VPS13C: variants seen among roughly 807,000 people sequenced by gnomAD.
The protein encoded by VPS13C is vacuolar protein sorting 13 homolog C, also known as intermembrane lipid transfer protein VPS13C.
A neutral mutation model predicts 456.8 loss-of-function variants in VPS13C; 358 were observed. The observed-to-expected ratio is 0.78, with a 90% CI of 0.72 to 0.86. VPS13C has a LOEUF of 0.86. Ranked by LOEUF, VPS13C falls within the 40% of genes least tolerant of loss-of-function variation. The probability of loss-of-function intolerance (pLI) is 0.00; values close to 1 mark genes in which losing one functional copy is unlikely to be tolerated. For synonymous variants in VPS13C, 1,578 were observed against 1,486.7 expected, an observed-to-expected ratio of 1.06 and a Z score of -1.41; for missense variants, 4,818 against 4,385.4, an observed-to-expected ratio of 1.10 and a Z score of -2.79.
chr15:61,902,197 C>T (rs2043020881), intron 66 of VPS13C, among the ~76,000 whole-genome samples: 1 of 149,960 alleles, frequency 6.7e-6, no homozygotes. Flanking sequence ...ACCAGCATGG[C>T]ACATGTATAC....
chr15:61,890,122 G>A (rs749537138), intron 67 of VPS13C, 43 bp downstream of exon 67: 1 of 1,578,354 alleles, frequency 6.3e-7, no homozygotes, highest in African/African-American at 1.3e-5. Context: ...TGAACTTAAT[G>A]CCTTTTAAAG....
At position 62,023,903 on chromosome 15, in the gene VPS13C, G is replaced by A. The variant is rs2047547909; in HGVS notation, c.449-58C>T. 15 of 1,468,172 alleles carry A rather than the reference G, an allele frequency of 1.0e-5. 1 individual carries two copies. The highest frequency in any genetic ancestry group is 3.6e-4 in the Middle Eastern group (2 of 5,610). The allele number at this position is 1,468,172 out of a possible 1,614,324, so 90.9% of individuals were successfully genotyped here. On this transcript the variant is annotated intron_variant, in intron 6 of 84. Coordinates refer to ENST00000644861, the MANE Select transcript of VPS13C (RefSeq NM_020821.3). ...ATAAGATTCAAGTTAGCAGACTACAGGACAGAAAAGAAAACAAGAGAATTT... is the reference window on the plus strand; with the variant it reads ...ATAAGATTCAAGTTAGCAGACTACAAGACAGAAAAGAAAACAAGAGAATTT...
At chr15:61,949,631 C>A in intron 41 of VPS13C, 26 bp from the exon 42 acceptor site, 1 of 1,576,592 alleles carries the variant, frequency 6.3e-7, no homozygotes, top group Non-Finnish European at 8.6e-7. Context: ...ATTAAAGAGG[C>A]AGATTTCAGA....
intron 1 of VPS13C, among the ~76,000 whole-genome samples, chr15:62,050,661 G>T (rs1213006305): frequency 6.6e-6 from 1 of 152,040 alleles, no homozygotes; most frequent in Non-Finnish European, 1.5e-5. Flanking sequence ...AATTAGCCAG[G>T]CATGGTGGCA....
intron 26 of VPS13C, 135 bp from the exon 27 acceptor site, chr15:61,972,899 CT>C (rs2045598102): frequency 1.1e-6 from 1 of 886,306 alleles, no homozygotes; most frequent in Non-Finnish European, 1.6e-6. Context: ...GAATAGCTGC[CT>C]TTTTTAAACT....
intron 52 of VPS13C, among the ~76,000 whole-genome samples, chr15:61,926,163 C>T (rs1254754266): frequency 6.6e-6 from 1 of 152,104 alleles, no homozygotes; most frequent in East Asian, 1.9e-4. Context: ...CTTTTGGAGG[C>T]CAAAGTAGGG....
At position 62,008,667 on chromosome 15, in the gene VPS13C, T is replaced by C. The variant is rs568244734; in HGVS notation, c.1106A>G (p.Asn369Ser). Reference sequence around the variant, plus strand: ...AATTCTAACTTACCATCGTCGACCATTGGTATGAAGTGGTAAATAAGGCTT... The same window carrying C: ...AATTCTAACTTACCATCGTCGACCACTGGTATGAAGTGGTAAATAAGGCTT... ...KYKPYLPLHT[N>S]GRRWWKYAID... Residue 369 changes from asparagine to serine, a missense_variant, in exon 14 of 85, where the codon AAT becomes AGT. Around this residue, in one of 3 missense-constraint regions of VPS13C, gnomAD observed 4,552 missense variants for 4,130.6 expected, o/e 1.10. Transcript: ENST00000644861. 2.4e-5 allele frequency: 39 copies of C among 1,599,196 alleles called. No individual in the cohort carries two copies. Among genetic ancestry groups the C allele is most frequent in the South Asian group, 1.6e-4 (14 of 88,004 alleles).
intron 16 of VPS13C, among the ~76,000 whole-genome samples, chr15:61,995,024 A>G (rs2046337726): frequency 6.6e-6 from 1 of 152,204 alleles, no homozygotes; most frequent in South Asian, 2.1e-4. Flanking sequence ...TTACTGCTCC[A>G]TTTATCTGCT....
At chr15:61,957,978 G>C (rs190866859) in intron 37 of VPS13C, among the ~76,000 whole-genome samples, 1 of 151,558 alleles carries the variant, frequency 6.6e-6, no homozygotes, top group East Asian at 1.9e-4. Flanking sequence ...ACACATGCAT[G>C]TACACATACA....
chr15:62,003,731 G>T (rs575611563), intron 15 of VPS13C, among the ~76,000 whole-genome samples: 8,937 of 151,770 alleles, frequency 0.059, 332 homozygotes, highest in Non-Finnish European at 0.084. Flanking sequence ...TAGCATGAAG[G>T]GCTGTTGAAT....
intron 47 of VPS13C, 108 bp downstream of exon 47, chr15:61,940,539 T>C: frequency 8.9e-7 from 1 of 1,118,016 alleles, no homozygotes; most frequent in Non-Finnish European, 1.2e-6. Flanking sequence ...GGTTTAGCTT[T>C]ATCAATAACG....
At chr15:62,039,795 T>G (rs1055432452) in intron 3 of VPS13C, among the ~76,000 whole-genome samples, 3 of 152,052 alleles carry the variant, frequency 2.0e-5, no homozygotes, top group African/African-American at 7.2e-5. Context: ...GGAGAACAAT[T>G]TGGGGGTTCC....
chr15:61,931,165 G>A lies in VPS13C; in HGVS notation c.5963C>T (p.Ser1988Leu), dbSNP rs1345985781. Reference sequence around the variant, plus strand: ...CTTAAGTTTAACGCTGACATTCATTGAGCCATCCTTAAACATCTTCCCTGA... The same window carrying A: ...CTTAAGTTTAACGCTGACATTCATTAAGCCATCCTTAAACATCTTCCCTGA... ...ASSGKMFKDG[S>L]MNVSVKLKTC... The change falls in exon 50 of 85, where the codon TCA becomes TTA. Residue 1988 changes from serine to leucine, a missense_variant. Around this residue, in one of 3 missense-constraint regions of VPS13C, gnomAD observed 4,552 missense variants for 4,130.6 expected, o/e 1.10. Coordinates refer to ENST00000644861, the MANE Select transcript of VPS13C (RefSeq NM_020821.3). 3.1e-6 allele frequency: 5 copies of A among 1,613,986 alleles called. No individual in the cohort carries two copies. Among genetic ancestry groups the A allele is most frequent in the East Asian group, 2.2e-5 (1 of 44,872 alleles).
intron 2 of VPS13C, among the ~76,000 whole-genome samples, chr15:62,042,252 TA>T (rs1452832247): frequency 6.6e-6 from 1 of 152,102 alleles, no homozygotes; most frequent in Non-Finnish European, 1.5e-5. Context: ...AAAGTTCAAA[TA>T]ACTTTTTTTA....
intron 61 of VPS13C, among the ~76,000 whole-genome samples, chr15:61,914,366 C>T (rs1427718895): frequency 6.6e-6 from 1 of 151,808 alleles, no homozygotes; most frequent in Non-Finnish European, 1.5e-5. Context: ...GTCAGGAGTT[C>T]GAGACCAGAC....
At chr15:61,949,935 G>C (rs1316091438) in intron 41 of VPS13C, among the ~76,000 whole-genome samples, 1 of 152,146 alleles carries the variant, frequency 6.6e-6, no homozygotes, top group Non-Finnish European at 1.5e-5. Context: ...GACTGTACCA[G>C]GTCCAGTACA....
Position 62,058,514 on chromosome 15 carries a change from A to C in VPS13C, c.100+1761T>G, listed in dbSNP as rs76700172. 7.2e-5 allele frequency among the ~76,000 whole-genome samples: 11 copies of C among 152,368 alleles called. No individual in the cohort carries two copies. The East Asian group carries it at 2.1e-3, about 29-fold the overall frequency. On this transcript the variant is annotated intron_variant, in intron 1 of 84. Transcript: ENST00000644861. ...AAAAAAATGCAAATTAAAAAACAACAGAACAACTATTTACATAGCACTTAC... is the reference window on the plus strand; with the variant it reads ...AAAAAAATGCAAATTAAAAAACAACCGAACAACTATTTACATAGCACTTAC...
chr15:61,969,473 G>A, intron 27 of VPS13C, 21 bp from the exon 28 acceptor site: 2 of 1,472,744 alleles, frequency 1.4e-6, no homozygotes, highest in Non-Finnish European at 1.8e-6. Flanking sequence ...TAGAGTCAAT[G>A]AAAAGTTGAT....
chr15:61,970,806 G>A (rs2045523537), intron 27 of VPS13C, among the ~76,000 whole-genome samples: 1 of 150,934 alleles, frequency 6.6e-6, no homozygotes, highest in Admixed American at 6.6e-5. Flanking sequence ...CTTGTCTTGG[G>A]TGGTCAGATC....
Sources: gnomAD v4.1 joint callset for allele counts (sites outside exome capture counted in the v4.1 genomes callset) on GRCh38, gnomAD v4.1.1 for gene constraint, gnomAD v4.1.1 regional missense constraint, MANE v1.5 for transcripts, NCBI Gene and HGNC (gene_info 2026-07-23, HGNC 2026-07-21) for gene names.